Variants in EOGT observed in about 807,000 individuals in gnomAD.
The protein encoded by EOGT is EGF domain-specific O-linked N-acetylglucosamine transferase.
Under a neutral mutation model 70.5 loss-of-function variants are expected in EOGT, and 55 were observed. The ratio of observed to expected loss-of-function variants is 0.78; its 90% CI spans 0.63 to 0.98. The LOEUF (loss-of-function observed/expected upper bound fraction) is 0.98, where lower values mean the gene tolerates loss of function less well. Among genes scored for constraint, EOGT ranks in the 50% least tolerant of loss-of-function variants. EOGT has a pLI of 0.00. For missense variants in EOGT, 703 were observed against 641.9 expected (o/e 1.10, Z -1.03); for synonymous variants, 246 against 217.1 (o/e 1.13, Z -1.17).
At chr3:69,006,755 C>G (rs9851981) in intron 6 of EOGT, among the ~76,000 whole-genome samples, 69,918 of 151,654 alleles carry the variant, frequency 0.46, 16,632 homozygotes, top group Admixed American at 0.52. Flanking sequence ...CAAACCACCT[C>G]TTGACAACGT....
At position 68,987,481 on chromosome 3, in the gene EOGT, C is replaced by A. The variant is rs1179214722; in HGVS notation, c.1116G>T (p.Arg372=). ...DGKIRVTILA[R]STEYRKILNQ... ...TAAGGATTTTCCGGTATTCTGTGCT[C>A]CGTGCAAGAATGGTGACTCGAATTT... Residue 372 remains arginine, a synonymous_variant, in exon 14 of 18, where the codon CGG becomes CGT. Coordinates refer to ENST00000383701, the MANE Select transcript of EOGT (RefSeq NM_001278689.2). 1.2e-6 allele frequency: 2 copies of A among 1,613,724 alleles called. No individual in the cohort carries two copies. The highest frequency in any genetic ancestry group is 1.3e-5 in the African/African-American group (1 of 74,868).
chr3:68,991,854 T>C (rs2091003732), intron 10 of EOGT, among the ~76,000 whole-genome samples: 1 of 152,088 alleles, frequency 6.6e-6, no homozygotes, highest in Non-Finnish European at 1.5e-5. Flanking sequence ...CTCAGAACCA[T>C]GGCGGGAGGT....
intron 3 of EOGT, among the ~76,000 whole-genome samples, chr3:69,010,224 G>C (rs1374076958): frequency 6.6e-6 from 1 of 152,172 alleles, no homozygotes; most frequent in Non-Finnish European, 1.5e-5. Flanking sequence ...TCCTGTAAAG[G>C]AGAAGCAGTA....
intron 7 of EOGT, among the ~76,000 whole-genome samples, chr3:69,004,695 C>G (rs1481791082): frequency 1.3e-5 from 2 of 152,136 alleles, no homozygotes; most frequent in African/African-American, 4.8e-5. Flanking sequence ...GCGATTAACT[C>G]ATGGCCTGTC....
rs944573670 is a variant in EOGT at position 68,984,439 on chromosome 3, A to G, written c.1153-1567T>C. 2.0e-5 allele frequency among the ~76,000 whole-genome samples: 3 copies of G among 152,142 alleles called. No individual in the cohort carries two copies. In the South Asian group the frequency reaches 6.2e-4, roughly 32 times the overall value. On this transcript the variant is annotated intron_variant, in intron 14 of 17. Coordinates refer to ENST00000383701, the MANE Select transcript of EOGT (RefSeq NM_001278689.2). The stretch of plus-strand genomic sequence containing the variant: ...TCTCAGGGCAAGCATGCCCTTTTTC[A>G]TGACTTCTAGTTGCACGAAAAAGGT...
intron 3 of EOGT, among the ~76,000 whole-genome samples, chr3:69,011,438 CA>C (rs2091573072): frequency 6.6e-6 from 1 of 151,350 alleles, no homozygotes; most frequent in Non-Finnish European, 1.5e-5. Flanking sequence ...CCAGCTTGGG[CA>C]ACGTGATGAA....
chr3:69,007,363 A>C (rs989354277), intron 6 of EOGT, among the ~76,000 whole-genome samples: 1 of 152,204 alleles, frequency 6.6e-6, no homozygotes, highest in Non-Finnish European at 1.5e-5. Context: ...ATAAAAATAA[A>C]ATAGCTTAGT....
intron 8 of EOGT, among the ~76,000 whole-genome samples, chr3:69,002,324 TTA>T (rs1229945081): frequency 6.6e-6 from 1 of 152,200 alleles, no homozygotes; most frequent in East Asian, 1.9e-4. Flanking sequence ...CTGCTAAATT[TTA>T]GAGTCATTTG....
At chr3:69,011,824 T>C (rs1315150439) in intron 3 of EOGT, 112 bp downstream of exon 3, 1 of 152,126 alleles carries the variant, frequency 6.6e-6, no homozygotes, top group Non-Finnish European at 1.5e-5. Context: ...TGAATTACAA[T>C]AACATTTTCA....
At chr3:68,979,627 T>C (rs2107134306) in intron 16 of EOGT, 41 bp downstream of exon 16, 1 of 1,604,132 alleles carries the variant, frequency 6.2e-7, no homozygotes, top group East Asian at 2.2e-5. Flanking sequence ...ATAAAAAGCA[T>C]TATCAGTTGC....
intron 15 of EOGT, among the ~76,000 whole-genome samples, chr3:68,981,030 C>T (rs199554621): frequency 6.6e-6 from 1 of 152,140 alleles, no homozygotes; most frequent in Admixed American, 6.5e-5. Context: ...GATGTGGGGG[C>T]CCCATATTGG....
At chr3:69,007,150 G>A (rs76390955) in intron 6 of EOGT, among the ~76,000 whole-genome samples, 6 of 152,144 alleles carry the variant, frequency 3.9e-5, no homozygotes, top group East Asian at 3.9e-4. Flanking sequence ...AAAATATTTC[G>A]ACTGTCTTAA....
At chr3:68,979,225 T>G (rs1158221246) in intron 16 of EOGT, among the ~76,000 whole-genome samples, 3 of 152,186 alleles carry the variant, frequency 2.0e-5, no homozygotes. Flanking sequence ...GGGCAAATCA[T>G]GAACACCCAA....
intron 10 of EOGT, among the ~76,000 whole-genome samples, chr3:68,989,505 T>C (rs997024504): frequency 5.3e-5 from 8 of 152,050 alleles, no homozygotes; most frequent in African/African-American, 1.9e-4. Flanking sequence ...CCCAGCACTT[T>C]GGGAGGCCGA....
At chr3:68,986,340 G>A (rs1211163495) in intron 14 of EOGT, among the ~76,000 whole-genome samples, 1 of 152,126 alleles carries the variant, frequency 6.6e-6, no homozygotes, top group African/African-American at 2.4e-5. Context: ...TCCTTTGGGA[G>A]GAGCAGGAAG....
intron 15 of EOGT, among the ~76,000 whole-genome samples, chr3:68,980,365 A>G (rs796869300): frequency 3.3e-5 from 5 of 152,366 alleles, no homozygotes; most frequent in African/African-American, 1.2e-4. Flanking sequence ...CCAGGGCATT[A>G]TCCTGCCTTT....
intron 8 of EOGT, among the ~76,000 whole-genome samples, chr3:69,003,958 G>C (rs964696849): frequency 1.3e-5 from 2 of 152,124 alleles, no homozygotes; most frequent in Non-Finnish European, 2.9e-5. Context: ...GGCTGGCCTT[G>C]AACTCCTGGG....
At chr3:69,000,207 C>A (rs1390273998) in intron 9 of EOGT, among the ~76,000 whole-genome samples, 1 of 152,016 alleles carries the variant, frequency 6.6e-6, no homozygotes, top group Non-Finnish European at 1.5e-5. Flanking sequence ...GCCTGGGCAA[C>A]AGAGCAAGAC....
chr3:68,990,806 A>G lies in EOGT; in HGVS notation c.832-1789T>C, dbSNP rs554274576. 2.6e-4 allele frequency among the ~76,000 whole-genome samples: 39 copies of G among 151,682 alleles called. No individual in the cohort carries two copies. The South Asian group carries it at 6.0e-3, about 23-fold the overall frequency. On this transcript the variant is annotated intron_variant, in intron 10 of 17. Transcript: ENST00000383701. Reference sequence around the variant, plus strand: ...AGCTCTACAGTTATACATTATGTTCATGTCTCTTTTTTATAGCATTCTTTT... The same window carrying G: ...AGCTCTACAGTTATACATTATGTTCGTGTCTCTTTTTTATAGCATTCTTTT...
Sources: gnomAD v4.1 joint callset for allele counts (sites outside exome capture counted in the v4.1 genomes callset) on GRCh38, gnomAD v4.1.1 for gene constraint, MANE v1.5 for transcripts, NCBI Gene and HGNC (gene_info 2026-07-23, HGNC 2026-07-21) for gene names.